Variants in GRM5 observed in about 807,000 individuals in gnomAD.
The protein encoded by GRM5 is glutamate metabotropic receptor 5.
Under a neutral mutation model 83.1 loss-of-function variants are expected in GRM5, and 19 were observed. That is an observed-to-expected ratio of 0.23 (90% confidence interval 0.16 to 0.34). GRM5 has a LOEUF of 0.34. GRM5 is among the 10% of genes least tolerant of loss of function. GRM5 has a pLI of 1.00. For synonymous variants in GRM5, 675 were observed against 633.6 expected, an observed-to-expected ratio of 1.07 and a Z score of -0.98; for missense variants, 1,160 against 1,588.3, an observed-to-expected ratio of 0.73 and a Z score of 4.58.
At chr11:88,978,483 A>C (rs1939412070) in intron 2 of GRM5, among the ~76,000 whole-genome samples, 1 of 17,304 alleles carries the variant, frequency 5.8e-5, no homozygotes, top group Non-Finnish European at 9.4e-5. Context: ...TTAAAAAAAA[A>C]AAAAAAAAAA....
chr11:89,045,907 T>C (rs1213553170), intron 2 of GRM5, among the ~76,000 whole-genome samples: 4 of 152,228 alleles, frequency 2.6e-5, no homozygotes. Flanking sequence ...TTCTTCTTGT[T>C]AAATTTCAAT....
Position 88,505,067 on chromosome 11 carries a change from C to G in GRM5, c.*3525G>C, listed in dbSNP as rs1335131717. 6.6e-6 allele frequency: 1 copy of G among 152,136 alleles called. No individual in the cohort carries two copies. Among genetic ancestry groups the G allele is most frequent in the Non-Finnish European group, 1.5e-5 (1 of 67,990 alleles). The allele number at this position is 152,136 out of a possible 1,614,324, so 9.4% of individuals were successfully genotyped here. On this transcript the variant is annotated 3_prime_UTR_variant, in exon 10 of 10. Transcript: ENST00000305447. Reference sequence around the variant, plus strand: ...GGGAAGATCAGTGAAATTCAACCAACTATTTTATACATGCCTCATTCTTCA... The same window carrying G: ...GGGAAGATCAGTGAAATTCAACCAAGTATTTTATACATGCCTCATTCTTCA...
intron 3 of GRM5, among the ~76,000 whole-genome samples, chr11:88,702,571 G>A (rs1391874): frequency 0.79 from 120,174 of 152,024 alleles, 51,089 homozygotes; most frequent in Non-Finnish European, 0.96. Context: ...ATATTTTAGG[G>A]CCATTTCATA....
At chr11:88,629,187 G>T (rs1938889798) in intron 4 of GRM5, among the ~76,000 whole-genome samples, 1 of 152,138 alleles carries the variant, frequency 6.6e-6, no homozygotes, top group African/African-American at 2.4e-5. Flanking sequence ...AAAGGCATTT[G>T]CCCTGGGTCT....
chr11:88,869,037 T>C (rs1459995687), intron 2 of GRM5, among the ~76,000 whole-genome samples: 2 of 151,732 alleles, frequency 1.3e-5, no homozygotes, highest in East Asian at 3.9e-4. Flanking sequence ...TAATCATACC[T>C]TTGAGATACC....
At chr11:88,759,735 C>T (rs1470598411) in intron 3 of GRM5, among the ~76,000 whole-genome samples, 1 of 152,088 alleles carries the variant, frequency 6.6e-6, no homozygotes, top group East Asian at 1.9e-4. Context: ...ACCTGACAGA[C>T]ATCTACAGAA....
At chr11:88,540,739 T>A (rs949138810) in intron 8 of GRM5, among the ~76,000 whole-genome samples, 2 of 152,124 alleles carry the variant, frequency 1.3e-5, no homozygotes, top group African/African-American at 2.4e-5. Flanking sequence ...TTTATTTCTA[T>A]TTTTTATTTT....
chr11:89,062,196 T>C (rs1942009909), intron 1 of GRM5, among the ~76,000 whole-genome samples: 1 of 152,152 alleles, frequency 6.6e-6, no homozygotes, highest in Non-Finnish European at 1.5e-5. Context: ...ACATGTGTAA[T>C]TACATTGAGG....
At chr11:88,986,734 T>G (rs1939727512) in intron 2 of GRM5, among the ~76,000 whole-genome samples, 1 of 148,654 alleles carries the variant, frequency 6.7e-6, no homozygotes, top group African/African-American at 2.5e-5. Flanking sequence ...TTGCTTTTTT[T>G]TTTTTTTTTT....
At chr11:88,557,349 C>G (rs1231743101) in intron 8 of GRM5, among the ~76,000 whole-genome samples, 1 of 152,118 alleles carries the variant, frequency 6.6e-6, no homozygotes, top group Non-Finnish European at 1.5e-5. Context: ...TCCTTATCAT[C>G]ATAGCACAGA....
intron 2 of GRM5, among the ~76,000 whole-genome samples, chr11:89,031,278 T>C (rs1941255323): frequency 6.6e-6 from 1 of 151,956 alleles, no homozygotes; most frequent in Non-Finnish European, 1.5e-5. Context: ...ACTTACAATA[T>C]TGCTATTATA....
intron 2 of GRM5, among the ~76,000 whole-genome samples, chr11:88,860,819 C>A (rs1944548735): frequency 6.6e-6 from 1 of 152,078 alleles, no homozygotes; most frequent in South Asian, 2.1e-4. Flanking sequence ...AATTTTGAGC[C>A]TCATTTAAGA....
intron 3 of GRM5, among the ~76,000 whole-genome samples, chr11:88,815,012 T>C (rs1373193441): frequency 6.6e-6 from 1 of 152,130 alleles, no homozygotes; most frequent in Non-Finnish European, 1.5e-5. Flanking sequence ...TCTCAATAAC[T>C]TGACAAAACA....
chr11:89,044,733 T>A (rs921870982), intron 2 of GRM5, among the ~76,000 whole-genome samples: 2 of 151,972 alleles, frequency 1.3e-5, no homozygotes, highest in African/African-American at 4.8e-5. Context: ...TGGGATTAAT[T>A]CTCCTAATGC....
intron 2 of GRM5, among the ~76,000 whole-genome samples, chr11:88,893,560 C>G (rs1459390027): frequency 6.6e-6 from 1 of 152,068 alleles, no homozygotes; most frequent in Non-Finnish European, 1.5e-5. Flanking sequence ...TAAAGTTACT[C>G]TAGCTACCCA....
At chr11:88,565,914 C>T (rs1942864516) in intron 8 of GRM5, among the ~76,000 whole-genome samples, 1 of 152,180 alleles carries the variant, frequency 6.6e-6, no homozygotes. Flanking sequence ...TATTTTCAAA[C>T]TTCAGCAGAC....
At chr11:89,001,708 A>T (rs1940387902) in intron 2 of GRM5, among the ~76,000 whole-genome samples, 1 of 152,146 alleles carries the variant, frequency 6.6e-6, no homozygotes, top group African/African-American at 2.4e-5. Flanking sequence ...GGTAAAGAGT[A>T]TTTGAGACCT....
intron 3 of GRM5, among the ~76,000 whole-genome samples, chr11:88,844,016 G>T (rs1425066093): frequency 6.6e-6 from 1 of 152,194 alleles, no homozygotes; most frequent in African/African-American, 2.4e-5. Flanking sequence ...AGCAGCAGGT[G>T]CAGACTGATA....
At chr11:88,990,825 A>T (rs1451484403) in intron 2 of GRM5, among the ~76,000 whole-genome samples, 7 of 151,754 alleles carry the variant, frequency 4.6e-5, no homozygotes, top group Non-Finnish European at 8.8e-5. Flanking sequence ...CTTCATGCTA[A>T]AAACTCTCAA....
Sources: gnomAD v4.1 joint callset for allele counts (sites outside exome capture counted in the v4.1 genomes callset) on GRCh38, gnomAD v4.1.1 for gene constraint, MANE v1.5 for transcripts, NCBI Gene and HGNC (gene_info 2026-07-23, HGNC 2026-07-21) for gene names.